The following CDK8 variants were observed in gnomAD, a reference collection of about 807,000 sequenced individuals.
CDK8 encodes the protein cyclin-dependent kinase 8.
Under a neutral mutation model 71.5 loss-of-function variants are expected in CDK8, and 29 were observed. The ratio of observed to expected loss-of-function variants is 0.41; its 90% CI spans 0.30 to 0.55. The LOEUF is 0.55. Among genes scored for constraint, CDK8 ranks in the 20% least tolerant of loss-of-function variants. The pLI is 0.37. For missense variants in CDK8, 288 were observed against 572.6 expected, an observed-to-expected ratio of 0.50 and a Z score of 5.07; for synonymous variants, 161 against 192.1, an observed-to-expected ratio of 0.84 and a Z score of 1.34.
At chr13:26,262,610 A>G (rs1189318197) in intron 1 of CDK8, among the ~76,000 whole-genome samples, 1 of 152,252 alleles carries the variant, frequency 6.6e-6, no homozygotes, top group African/African-American at 2.4e-5. Flanking sequence ...TAGTTGGCTG[A>G]ATCGAAATGG....
intron 1 of CDK8, among the ~76,000 whole-genome samples, chr13:26,304,126 G>A (rs1378359914): frequency 6.6e-6 from 1 of 151,606 alleles, no homozygotes; most frequent in South Asian, 2.1e-4. Context: ...TTAGCCAGGT[G>A]TGGTGGTAGG....
intron 1 of CDK8, among the ~76,000 whole-genome samples, chr13:26,295,864 G>A (rs1168480727): frequency 3.9e-5 from 6 of 152,098 alleles, no homozygotes; most frequent in African/African-American, 1.4e-4. Flanking sequence ...GGCTGGGGGT[G>A]GGGAGAAGAT....
intron 1 of CDK8, among the ~76,000 whole-genome samples, chr13:26,317,590 G>GTAT: frequency 6.6e-6 from 1 of 152,120 alleles, no homozygotes; most frequent in Admixed American, 6.6e-5. Flanking sequence ...CATACAAAGT[G>GTAT]TATTCTCCAG....
intron 9 of CDK8, among the ~76,000 whole-genome samples, chr13:26,398,533 A>T (rs1344236196): frequency 1.3e-5 from 2 of 152,180 alleles, no homozygotes; most frequent in African/African-American, 4.8e-5. Context: ...CCCTATTATA[A>T]TTCCATTAAA....
intron 1 of CDK8, among the ~76,000 whole-genome samples, chr13:26,324,189 ACTC>A (rs1261100274): frequency 1.3e-5 from 2 of 152,094 alleles, no homozygotes; most frequent in African/African-American, 4.8e-5. Context: ...TTGTTTATAA[ACTC>A]AGGCATTTGT....
At chr13:26,398,707 C>G (rs948552613) in intron 9 of CDK8, among the ~76,000 whole-genome samples, 1 of 152,150 alleles carries the variant, frequency 6.6e-6, no homozygotes, top group African/African-American at 2.4e-5. Context: ...GGCGTGGTAG[C>G]TCACGCCTGT....
At position 26,397,419 on chromosome 13, in the gene CDK8, T is replaced by G. The variant is rs147654275; in HGVS notation, c.933+194T>G. Among the ~76,000 whole-genome samples, 12 of 152,268 alleles carry G rather than the reference T, an allele frequency of 7.9e-5. No homozygotes were observed. The East Asian group carries it at 1.9e-3, about 24-fold the overall frequency. ...TGCTCTTCCAGACTCATATCATGGT[T>G]TGACAGACTAATGTTTGGTCACATT... On this transcript the variant is annotated intron_variant, in intron 9 of 12. Transcript: ENST00000381527.
At chr13:26,313,452 T>C (rs982472868) in intron 1 of CDK8, among the ~76,000 whole-genome samples, 3 of 152,188 alleles carry the variant, frequency 2.0e-5, no homozygotes, top group East Asian at 3.8e-4. Flanking sequence ...ATCATTAACA[T>C]AAATAGAGAA....
intron 4 of CDK8, among the ~76,000 whole-genome samples, chr13:26,377,334 A>G (rs1349785543): frequency 6.6e-6 from 1 of 152,182 alleles, no homozygotes; most frequent in African/African-American, 2.4e-5. Flanking sequence ...TATCTCACCC[A>G]TTTAGCCTAG....
intron 6 of CDK8, 79 bp from the exon 7 acceptor site, chr13:26,393,288 A>G (rs1264094612): frequency 9.8e-6 from 9 of 914,378 alleles, no homozygotes; most frequent in Non-Finnish European, 1.5e-5. Flanking sequence ...TTTGGAAAGA[A>G]CCACTTTATT....
At chr13:26,389,652 T>G (rs1875651928) in intron 6 of CDK8, among the ~76,000 whole-genome samples, 1 of 152,030 alleles carries the variant, frequency 6.6e-6, no homozygotes, top group African/African-American at 2.4e-5. Context: ...TTTCTTCTAT[T>G]GAAACATTGA....
intron 6 of CDK8, among the ~76,000 whole-genome samples, chr13:26,386,368 G>T (rs1875476874): frequency 6.6e-6 from 1 of 152,026 alleles, no homozygotes; most frequent in South Asian, 2.1e-4. Context: ...TTTTGTGTGT[G>T]CTTTACCTTT....
chr13:26,384,555 G>A (rs1875384114), intron 5 of CDK8, among the ~76,000 whole-genome samples: 1 of 152,194 alleles, frequency 6.6e-6, no homozygotes, highest in Non-Finnish European at 1.5e-5. Flanking sequence ...TAAATGCCAT[G>A]ATGAACTGTA....
At chr13:26,358,298 C>CAA (rs985791986) in intron 4 of CDK8, among the ~76,000 whole-genome samples, 1 of 148,400 alleles carries the variant, frequency 6.7e-6, no homozygotes, top group Non-Finnish European at 1.5e-5. Context: ...GACTCCGTCT[C>CAA]AAAAAAAAAT....
intron 1 of CDK8, among the ~76,000 whole-genome samples, chr13:26,324,533 A>G (rs1458237766): frequency 1.3e-5 from 2 of 152,176 alleles, no homozygotes; most frequent in Non-Finnish European, 2.9e-5. Flanking sequence ...CCTGAATGTA[A>G]TAGTACTTTT....
chr13:26,400,675 G>A, intron 10 of CDK8, 125 bp downstream of exon 10: 1 of 665,710 alleles, frequency 1.5e-6, no homozygotes, highest in Non-Finnish European at 2.7e-6. Context: ...TTTATGACAA[G>A]CAAAAATGAG....
chr13:26,384,330 C>T lies in CDK8; in HGVS notation c.515-881C>T, dbSNP rs116437792. Among the ~76,000 whole-genome samples the T allele has an allele frequency of 1.3e-3, 201 of 151,924 alleles. 1 individual carries two copies. Among genetic ancestry groups the T allele is most frequent in the African/African-American group, 4.7e-3 (196 of 41,420 alleles). On this transcript the variant is annotated intron_variant, in intron 5 of 12. Coordinates refer to ENST00000381527, the MANE Select transcript of CDK8 (RefSeq NM_001260.3). Reference sequence around the variant, plus strand: ...TGTGTATTAGGAAAATAGAACTAAACTTATCAAATGGTGGGTGAATTTTGA... The same window carrying T: ...TGTGTATTAGGAAAATAGAACTAAATTTATCAAATGGTGGGTGAATTTTGA...
At position 26,361,784 on chromosome 13, in the gene CDK8, C is replaced by CTTTTTTTTTTTTTTTTTTTTTTT. The variant is rs553508554; in HGVS notation, c.456+7911_456+7933dup. The stretch of plus-strand genomic sequence containing the variant: ...TCTTTTTGTCTTTCTTTTCTTTTCC[C>CTTTTTTTTTTTTTTTTTTTTTTT]TTTTTTTTTTTTTTTTTTTTTTTTT... On this transcript the variant is annotated intron_variant, in intron 4 of 12. Coordinates refer to ENST00000381527, the MANE Select transcript of CDK8 (RefSeq NM_001260.3). Among the ~76,000 whole-genome samples the CTTTTTTTTTTTTTTTTTTTTTTT allele has an allele frequency of 6.3e-5, 4 of 63,346 alleles. 1 individual carries two copies. The highest frequency in any genetic ancestry group is 2.8e-4 in the African/African-American group (4 of 14,236). 41.6% of individuals were successfully genotyped at this position (63,346 alleles called of 152,430 possible).
At position 26,308,484 on chromosome 13, in the gene CDK8, G is replaced by A. The variant is rs117822086; in HGVS notation, c.129-29083G>A. Among the ~76,000 whole-genome samples the A allele has an allele frequency of 6.8e-3, 1,031 of 152,270 alleles. 8 individuals carry two copies. Among genetic ancestry groups the A allele is most frequent in the Middle Eastern group, 0.024 (7 of 294 alleles). ...ATCAGTTTTCTCATCTGCAAAATGG[G>A]CCACTTGGCTGTTACCAGCATTACA... On this transcript the variant is annotated intron_variant, in intron 1 of 12. Transcript: ENST00000381527.
Sources: gnomAD v4.1 joint callset for allele counts (sites outside exome capture counted in the v4.1 genomes callset) on GRCh38, gnomAD v4.1.1 for gene constraint, MANE v1.5 for transcripts, NCBI Gene and HGNC (gene_info 2026-07-23, HGNC 2026-07-21) for gene names.